Variants in GRIP1 observed in about 807,000 individuals in gnomAD.
GRIP1 encodes the protein glutamate receptor interacting protein 1, also known as glutamate receptor-interacting protein 1.
In GRIP1, 45 loss-of-function variants were observed where a neutral mutation model predicts 129.9. The ratio of observed to expected loss-of-function variants is 0.35; its 90% CI spans 0.27 to 0.44. The LOEUF is 0.44. Among genes scored for constraint, GRIP1 ranks in the 20% least tolerant of loss-of-function variants. GRIP1 has a pLI of 1.00. For missense variants in GRIP1, 1,196 were observed against 1,396.8 expected (o/e 0.86, Z 2.29); for synonymous variants, 530 against 520.8 (o/e 1.02, Z -0.24).
chr12:66,660,582 CATA>C (rs1000649286), intron 1 of GRIP1, among the ~76,000 whole-genome samples: 5 of 152,106 alleles, frequency 3.3e-5, no homozygotes, highest in South Asian at 4.1e-4. Context: ...CATAAGACTA[CATA>C]ATAATTGTAC....
At chr12:66,579,262 A>C (rs966352263) in intron 2 of GRIP1, among the ~76,000 whole-genome samples, 2 of 152,306 alleles carry the variant, frequency 1.3e-5, no homozygotes, top group East Asian at 1.9e-4. Context: ...CCATCTGTAC[A>C]TCACCATCAT....
intron 16 of GRIP1, among the ~76,000 whole-genome samples, chr12:66,402,931 T>C (rs1189593536): frequency 6.6e-6 from 1 of 152,222 alleles, no homozygotes; most frequent in Non-Finnish European, 1.5e-5. Flanking sequence ...GTAATTAGAA[T>C]ACAGATAGTC....
chr12:66,527,239 C>T (rs1012259238), intron 5 of GRIP1, among the ~76,000 whole-genome samples: 60 of 150,684 alleles, frequency 4.0e-4, no homozygotes, highest in African/African-American at 7.1e-4. Context: ...ATGTTTATTG[C>T]GGCACTATTC....
At chr12:66,484,276 C>T (rs1052301412) in intron 7 of GRIP1, among the ~76,000 whole-genome samples, 1 of 152,138 alleles carries the variant, frequency 6.6e-6, no homozygotes, top group African/African-American at 2.4e-5. Flanking sequence ...AAGAGTCATG[C>T]ATATTGTTAG....
chr12:66,968,949 GTCTT>G (rs1314596210), intron 1 of GRIP1, among the ~76,000 whole-genome samples: 1 of 152,064 alleles, frequency 6.6e-6, no homozygotes, highest in Non-Finnish European at 1.5e-5. Flanking sequence ...ATGTGAGAAA[GTCTT>G]TATTTCTCCT....
intron 8 of GRIP1, among the ~76,000 whole-genome samples, chr12:66,464,241 A>C (rs760096088): frequency 2.6e-5 from 4 of 152,218 alleles, no homozygotes; most frequent in Non-Finnish European, 5.9e-5. Context: ...TGCTTTAGCT[A>C]TGGGAGATGA....
At chr12:66,860,973 C>T (rs1246175591) in intron 1 of GRIP1, among the ~76,000 whole-genome samples, 1 of 151,966 alleles carries the variant, frequency 6.6e-6, no homozygotes, top group Admixed American at 6.6e-5. Flanking sequence ...ATGTCCCTTC[C>T]TCAACACACA....
At chr12:66,489,994 G>GA (rs1555194518) in intron 7 of GRIP1, among the ~76,000 whole-genome samples, 1 of 151,976 alleles carries the variant, frequency 6.6e-6, no homozygotes, top group Non-Finnish European at 1.5e-5. Context: ...ATAAACAAAT[G>GA]AAAAAACATT....
intron 5 of GRIP1, among the ~76,000 whole-genome samples, chr12:66,528,638 T>C (rs2061344130): frequency 6.6e-6 from 1 of 152,140 alleles, no homozygotes; most frequent in Non-Finnish European, 1.5e-5. Flanking sequence ...GTGTATTAAA[T>C]CAAATCAAGC....
chr12:66,997,629 G>T (rs17103134), intron 1 of GRIP1, among the ~76,000 whole-genome samples: 17,794 of 152,140 alleles, frequency 0.12, 1,253 homozygotes, highest in African/African-American at 0.19. Flanking sequence ...CAATATGAAG[G>T]TCTGATCACA....
chr12:66,456,643 G>A (rs1308484183), intron 9 of GRIP1, among the ~76,000 whole-genome samples: 1 of 143,258 alleles, frequency 7.0e-6, no homozygotes, highest in African/African-American at 2.7e-5. Context: ...GTGCTTTGCA[G>A]CTGAGATTAA....
At chr12:66,506,551 A>G (rs1334028887) in intron 7 of GRIP1, among the ~76,000 whole-genome samples, 1 of 152,166 alleles carries the variant, frequency 6.6e-6, no homozygotes, top group Non-Finnish European at 1.5e-5. Flanking sequence ...GAGAAAACAC[A>G]ATGGGGCTTT....
At chr12:66,758,859 T>TAC (rs2037382948) in intron 1 of GRIP1, among the ~76,000 whole-genome samples, 1 of 152,160 alleles carries the variant, frequency 6.6e-6, no homozygotes, top group Non-Finnish European at 1.5e-5. Flanking sequence ...GTTCCCATGG[T>TAC]CTTGGGCAGC....
At chr12:66,893,442 T>C (rs180990663) in intron 1 of GRIP1, among the ~76,000 whole-genome samples, 13 of 152,244 alleles carry the variant, frequency 8.5e-5, no homozygotes, top group African/African-American at 2.6e-4. Context: ...CTCACCATGT[T>C]GCCCAAGCTA....
intron 2 of GRIP1, among the ~76,000 whole-genome samples, chr12:66,574,913 C>T (rs1209290881): frequency 6.6e-6 from 1 of 151,756 alleles, no homozygotes; most frequent in African/African-American, 2.4e-5. Context: ...ATAACAGGCA[C>T]CCAGCCACCA....
chr12:66,456,681 C>T (rs952842670), intron 9 of GRIP1, among the ~76,000 whole-genome samples: 1 of 151,868 alleles, frequency 6.6e-6, no homozygotes, highest in Non-Finnish European at 1.5e-5. Flanking sequence ...TAAAAGTCAG[C>T]CCCTCAAAGA....
chr12:66,561,309 C>T (rs757707415), intron 2 of GRIP1, among the ~76,000 whole-genome samples: 3 of 152,024 alleles, frequency 2.0e-5, no homozygotes, highest in Non-Finnish European at 4.4e-5. Context: ...AATTGTACAT[C>T]TTAAAATAAC....
chr12:66,408,324 C>G (rs1235121533), intron 15 of GRIP1, among the ~76,000 whole-genome samples: 1 of 151,978 alleles, frequency 6.6e-6, no homozygotes, highest in Non-Finnish European at 1.5e-5. Context: ...ACTAAAAATA[C>G]AAAAGTTAGC....
At chr12:66,671,844 G>C (rs1008132787) in intron 1 of GRIP1, among the ~76,000 whole-genome samples, 1 of 152,200 alleles carries the variant, frequency 6.6e-6, no homozygotes, top group African/African-American at 2.4e-5. Context: ...CAGACAATAT[G>C]TATCAGAAGA....
Sources: allele counts gnomAD v4.1 joint callset (sites outside exome capture counted in the v4.1 genomes callset), GRCh38; gene constraint gnomAD v4.1.1; transcripts MANE v1.5; gene names NCBI Gene and HGNC (gene_info 2026-07-23, HGNC 2026-07-21).